COL14A1: variants seen among roughly 807,000 people sequenced by gnomAD.
COL14A1 encodes the protein collagen type XIV alpha 1 chain.
Under a neutral mutation model 230.3 loss-of-function variants are expected in COL14A1, and 136 were observed. The ratio of observed to expected loss-of-function variants is 0.59; its 90% CI spans 0.51 to 0.68. COL14A1 has a LOEUF of 0.68. Ranked by LOEUF, COL14A1 falls within the 30% of genes least tolerant of loss-of-function variation. The pLI is 0.00. For missense variants in COL14A1, 1,976 were observed against 2,215.8 expected, an observed-to-expected ratio of 0.89 and a Z score of 2.17; for synonymous variants, 792 against 784.1, an observed-to-expected ratio of 1.01 and a Z score of -0.17.
Position 120,231,577 on chromosome 8 carries a change from A to C in COL14A1, c.2308A>C (p.Met770Leu). Residue 770 changes from methionine to leucine, a missense_variant, in exon 19 of 48, where the codon ATG (methionine) becomes CTG (leucine). Coordinates refer to ENST00000297848, the MANE Select transcript of COL14A1 (RefSeq NM_021110.4). ...TGTGCAGCAGTTTAGGGTGACCTAC[A>C]TGACAGCTCAAGGGGACCCTGAGGA... Reference protein sequence around the residue: ...SDVQQFRVTYMTAQGDPEEEV... With the variant: ...SDVQQFRVTYLTAQGDPEEEV... 2 of 1,614,066 alleles carry C rather than the reference A, an allele frequency of 1.2e-6. No individual in the cohort carries two copies. Among genetic ancestry groups the C allele is most frequent in the South Asian group, 2.2e-5 (2 of 91,070 alleles).
intron 5 of COL14A1, among the ~76,000 whole-genome samples, chr8:120,170,152 A>T (rs868414075): frequency 3.9e-5 from 6 of 152,194 alleles, no homozygotes; most frequent in Admixed American, 1.3e-4. Context: ...CTGCATGTGT[A>T]TATTTTTATA....
intron 5 of COL14A1, among the ~76,000 whole-genome samples, chr8:120,175,874 A>T (rs1347398434): frequency 6.6e-6 from 1 of 152,202 alleles, no homozygotes; most frequent in Non-Finnish European, 1.5e-5. Context: ...CTATTTCATA[A>T]TTGCATAGGC....
rs112115780 is a variant in COL14A1 at position 120,331,097 on chromosome 8, C to T, written c.4660-1044C>T. Among the ~76,000 whole-genome samples the T allele has an allele frequency of 8.2e-3, 1,054 of 128,076 alleles. 7 individuals are homozygous for T. The highest frequency in any genetic ancestry group is 0.012 in the Non-Finnish European group (729 of 62,972). 84.0% of individuals were successfully genotyped at this position (128,076 alleles called of 152,430 possible). On this transcript the variant is annotated intron_variant, in intron 40 of 47. Coordinates refer to ENST00000297848, the MANE Select transcript of COL14A1 (RefSeq NM_021110.4). ...TCCAGCCTGGGCAACAAGAGCAAAA[C>T]TCTGTCTCACAAAAAAAAAAAAAAA...
chr8:120,284,985 G>A (rs1820149811), intron 32 of COL14A1, among the ~76,000 whole-genome samples: 1 of 152,050 alleles, frequency 6.6e-6, no homozygotes, highest in Non-Finnish European at 1.5e-5. Flanking sequence ...TTCAGCTGGA[G>A]TGAGAATCTT....
In COL14A1 at chr8:120,370,842, T is replaced by A. The variant is rs768328898; in HGVS notation, c.5312-310T>A. The A allele has an allele frequency of 2.1e-5, 28 of 1,355,936 alleles. No homozygotes were observed. In the African/African-American group the frequency reaches 2.4e-4, roughly 11 times the overall value. The allele number at this position is 1,355,936 out of a possible 1,614,324, so 84.0% of individuals were successfully genotyped here. A position where few individuals can be genotyped will look rare whatever the true frequency, so the allele number is the denominator to read the frequency against. On this transcript the variant is annotated intron_variant, in intron 47 of 47. Coordinates refer to ENST00000297848, the MANE Select transcript of COL14A1 (RefSeq NM_021110.4). ...GATGGACTTCTAACATGAGATTTTT[T>A]AAAAAAATTTCTATTTCTTTTATAA... is the stretch of plus-strand genomic sequence containing the variant.
At chr8:120,183,249 A>G (rs1256778284) in intron 5 of COL14A1, among the ~76,000 whole-genome samples, 1 of 152,148 alleles carries the variant, frequency 6.6e-6, no homozygotes, top group East Asian at 1.9e-4. Context: ...TGGACGGGTC[A>G]AGTGGAGAGC....
chr8:120,205,398 G>A (rs539206766), intron 9 of COL14A1, among the ~76,000 whole-genome samples: 2 of 152,106 alleles, frequency 1.3e-5, no homozygotes, highest in Non-Finnish European at 2.9e-5. Context: ...GCTTGTCTTT[G>A]ATATAATTTC....
At chr8:120,220,676 TG>T (rs1165109754) in intron 14 of COL14A1, among the ~76,000 whole-genome samples, 1 of 152,186 alleles carries the variant, frequency 6.6e-6, no homozygotes, top group Non-Finnish European at 1.5e-5. Context: ...GCATCTTTTC[TG>T]CATTACCCCT....
chr8:120,365,035 G>A (rs1342509842), intron 45 of COL14A1, among the ~76,000 whole-genome samples: 2 of 151,654 alleles, frequency 1.3e-5, no homozygotes. Context: ...TGTGAGGCTA[G>A]TTCTCTCTTC....
intron 16 of COL14A1, 63 bp downstream of exon 16, chr8:120,226,829 G>A: frequency 6.8e-7 from 1 of 1,473,156 alleles, no homozygotes; most frequent in Non-Finnish European, 9.4e-7. Flanking sequence ...ACTGCTGCTG[G>A]AGTTGGTCTT....
chr8:120,157,872 G>T (rs1012614975), intron 2 of COL14A1, among the ~76,000 whole-genome samples: 5 of 152,162 alleles, frequency 3.3e-5, no homozygotes, highest in Non-Finnish European at 5.9e-5. Context: ...TGTAATCCCA[G>T]CTACTCAGGA....
chr8:120,357,671 C>G (rs1164047677), intron 45 of COL14A1, among the ~76,000 whole-genome samples: 2 of 152,064 alleles, frequency 1.3e-5, no homozygotes, highest in African/African-American at 4.8e-5. Flanking sequence ...GGGTGATGCT[C>G]TCATCCACGA....
At chr8:120,128,238 T>C (rs879737770) in intron 1 of COL14A1, among the ~76,000 whole-genome samples, 6,482 of 148,628 alleles carry the variant, frequency 0.044, 393 homozygotes, top group African/African-American at 0.14. Context: ...CGTGTGTGTG[T>C]GTGTGTGTGT....
Position 120,206,967 on chromosome 8 carries a change from C to T in COL14A1, c.1064C>T (p.Pro355Leu), listed in dbSNP as rs770887482. 38 of 1,610,666 alleles carry T rather than the reference C, an allele frequency of 2.4e-5. No homozygotes were observed. In the East Asian group the frequency reaches 3.8e-4, roughly 16 times the overall value. ...IKASAHAITG[P>L]PTELITSEVT... ...GCCTCAGCCCATGCCATCACTGGGC[C>T]GCCTACGGAGTTGATTACTTCTGAA... Residue 355 changes from proline (P) to leucine (L), a missense_variant, in exon 10 of 48, where the codon CCG becomes CTG. Pro to Leu is a moderately conservative substitution (Grantham distance 98). This residue lies in a region of COL14A1 where 1,791 missense variants were observed against 2,019.5 expected (regional missense o/e 0.89). Coordinates refer to ENST00000297848, the MANE Select transcript of COL14A1 (RefSeq NM_021110.4).
rs34177030 is a variant in COL14A1, at chr8:120,200,715, TTATATATATATATATATATATATA to T, written c.877+1177_877+1200del. Reference sequence around the variant, plus strand: ...GAAAGATCCTAAAAAGTTTTCCTATTTATATATATATATATATATATATATATATATATATATATATATATATAT... The same window carrying T: ...GAAAGATCCTAAAAAGTTTTCCTATTTATATATATATATATATATATATAT... On this transcript the variant is annotated intron_variant, in intron 8 of 47. Transcript: ENST00000297848. 2.6e-3 allele frequency among the ~76,000 whole-genome samples: 221 copies of T among 85,750 alleles called. 3 individuals are homozygous for T. The highest frequency in any genetic ancestry group is 6.9e-3 in the Middle Eastern group (1 of 144). The allele number at this position is 85,750 out of a possible 152,430, so 56.3% of individuals were successfully genotyped here.
intron 5 of COL14A1, among the ~76,000 whole-genome samples, chr8:120,192,180 G>C (rs532982018): frequency 2.3e-3 from 344 of 152,236 alleles, no homozygotes; most frequent in African/African-American, 7.3e-3. Context: ...GCAGTGGCTG[G>C]TACCGGTTGT....
intron 45 of COL14A1, 85 bp from the exon 46 acceptor site, chr8:120,367,086 G>T: frequency 9.3e-7 from 1 of 1,070,618 alleles, no homozygotes; most frequent in Non-Finnish European, 1.3e-6. Flanking sequence ...CATCAGAGAA[G>T]CACTTTCGAA....
intron 5 of COL14A1, among the ~76,000 whole-genome samples, chr8:120,178,145 T>C (rs144250879): frequency 2.1e-3 from 313 of 152,278 alleles, no homozygotes; most frequent in African/African-American, 7.1e-3. Context: ...GCAGTTTTGT[T>C]ACGTAGGTAT....
At chr8:120,312,238 C>T (rs1821067246) in intron 37 of COL14A1, among the ~76,000 whole-genome samples, 1 of 152,118 alleles carries the variant, frequency 6.6e-6, no homozygotes. Flanking sequence ...CCCTCCCTCT[C>T]CCTTCCTCTT....
Sources: allele counts gnomAD v4.1 joint callset (sites outside exome capture counted in the v4.1 genomes callset), GRCh38; gene constraint gnomAD v4.1.1; regional missense constraint gnomAD v4.1.1; transcripts MANE v1.5; gene names NCBI Gene and HGNC (gene_info 2026-07-23, HGNC 2026-07-21).